The following DOK6 variants were observed in gnomAD, a reference collection of about 807,000 sequenced individuals.
DOK6 encodes the protein downstream of tyrosine kinase 6.
DOK6 carries 22 observed loss-of-function variants against 44.0 expected under a neutral mutation model. That is an observed-to-expected ratio of 0.50 (90% CI 0.36 to 0.71). DOK6 has a LOEUF of 0.71. Among genes scored for constraint, DOK6 ranks in the 30% least tolerant of loss-of-function variants. The pLI, the probability that DOK6 is intolerant of heterozygous loss-of-function variation, is 0.00. For missense variants in DOK6, 340 were observed against 416.4 expected (o/e 0.82, Z 1.60); for synonymous variants, 166 against 145.5 (o/e 1.14, Z -1.01).
At chr18:69,744,448 G>GA (rs1978911900) in intron 6 of DOK6, among the ~76,000 whole-genome samples, 1 of 99,156 alleles carries the variant, frequency 1.0e-5, no homozygotes, top group Non-Finnish European at 2.7e-5. Flanking sequence ...GCATATTTGT[G>GA]ATTTTTTTTC....
intron 1 of DOK6, among the ~76,000 whole-genome samples, chr18:69,403,077 C>T (rs1226639543): frequency 6.6e-6 from 1 of 152,116 alleles, no homozygotes; most frequent in Non-Finnish European, 1.5e-5. Context: ...GGCCTTTGAT[C>T]TTCTTGAAAT....
intron 7 of DOK6, among the ~76,000 whole-genome samples, chr18:69,837,648 T>C (rs1982092142): frequency 2.6e-5 from 4 of 152,016 alleles, no homozygotes; most frequent in South Asian, 4.2e-4. Flanking sequence ...CTATCTGTCA[T>C]ACTAGGTGTC....
intron 7 of DOK6, among the ~76,000 whole-genome samples, chr18:69,814,672 C>A (rs1156964098): frequency 6.6e-6 from 1 of 152,118 alleles, no homozygotes; most frequent in Admixed American, 6.6e-5. Context: ...GAGGAGGAAG[C>A]AAGGCATGTC....
At chr18:69,504,909 G>T (rs1981140977) in intron 1 of DOK6, among the ~76,000 whole-genome samples, 1 of 152,100 alleles carries the variant, frequency 6.6e-6, no homozygotes, top group South Asian at 2.1e-4. Flanking sequence ...GATTGTCTGT[G>T]TCTTTTTCTC....
At chr18:69,554,144 A>T (rs576805223) in intron 1 of DOK6, among the ~76,000 whole-genome samples, 8 of 152,334 alleles carry the variant, frequency 5.3e-5, no homozygotes, top group Non-Finnish European at 2.9e-5. Context: ...CCGTAGAGAA[A>T]ATGACACAAC....
At chr18:69,560,787 C>T (rs994222541) in intron 1 of DOK6, among the ~76,000 whole-genome samples, 14 of 152,126 alleles carry the variant, frequency 9.2e-5, no homozygotes, top group East Asian at 1.9e-4. Flanking sequence ...CTTAATTGTC[C>T]GTAGCTAATT....
chr18:69,514,358 G>T (rs1448114919), intron 1 of DOK6, among the ~76,000 whole-genome samples: 1 of 152,042 alleles, frequency 6.6e-6, no homozygotes, highest in African/African-American at 2.4e-5. Context: ...AACAAGACTT[G>T]CCTGACGTAC....
rs996711332 is a variant in DOK6, at chr18:69,511,949, A to G, written c.67-52538A>G. On this transcript the variant is annotated intron_variant, in intron 1 of 7. Transcript: ENST00000382713. ...CTGGGTTGGTAAGTATGAATGTGCA[A>G]TGTAAAGGAGATTGGACTGATAATA... Among the ~76,000 whole-genome samples, 4 of 152,134 alleles carry G rather than the reference A, an allele frequency of 2.6e-5. No homozygotes were observed. In the South Asian group the frequency reaches 6.2e-4, roughly 24 times the overall value.
intron 1 of DOK6, among the ~76,000 whole-genome samples, chr18:69,519,360 T>C (rs1236755522): frequency 1.3e-5 from 2 of 151,944 alleles, no homozygotes; most frequent in Non-Finnish European, 2.9e-5. Context: ...CTAGTCAGAC[T>C]AACATAATCA....
intron 6 of DOK6, among the ~76,000 whole-genome samples, chr18:69,756,498 C>T (rs895436035): frequency 3.3e-5 from 5 of 152,134 alleles, no homozygotes; most frequent in African/African-American, 7.2e-5. Context: ...TGTGACAAGA[C>T]GTAGCAGCTC....
chr18:69,463,157 G>A (rs1024948389), intron 1 of DOK6, among the ~76,000 whole-genome samples: 2 of 152,128 alleles, frequency 1.3e-5, no homozygotes, highest in Non-Finnish European at 2.9e-5. Context: ...TGGCACCTTA[G>A]CTGTGTCCTC....
rs931427330 is a variant in DOK6 at position 69,430,545 on chromosome 18, T to G, written c.66+29235T>G. Among the ~76,000 whole-genome samples the G allele has an allele frequency of 3.3e-4, 50 of 152,342 alleles. 2 individuals carry two copies. The highest frequency in any genetic ancestry group is 1.2e-3 in the African/African-American group (50 of 41,580). On this transcript the variant is annotated intron_variant, in intron 1 of 7. Coordinates refer to ENST00000382713, the MANE Select transcript of DOK6 (RefSeq NM_152721.6). The stretch of plus-strand genomic sequence containing the variant: ...CGCTTCCTCATTAGGATTAGTATCA[T>G]TATTCATTCTTTGAATGAATCTACC...
chr18:69,614,204 A>G (rs997991590), intron 3 of DOK6, among the ~76,000 whole-genome samples: 1 of 152,088 alleles, frequency 6.6e-6, no homozygotes, highest in Non-Finnish European at 1.5e-5. Flanking sequence ...AATTTTTCTA[A>G]GAATTTTTTT....
At chr18:69,442,138 T>A (rs1393171783) in intron 1 of DOK6, among the ~76,000 whole-genome samples, 1 of 147,996 alleles carries the variant, frequency 6.8e-6, no homozygotes, top group Non-Finnish European at 1.5e-5. Flanking sequence ...ATGTTGTTTT[T>A]TACTTGCTTA....
At position 69,653,098 on chromosome 18, in the gene DOK6, C is replaced by G. The variant is rs118166796; in HGVS notation, c.290-24636C>G. 3.4e-3 allele frequency among the ~76,000 whole-genome samples: 511 copies of G among 152,116 alleles called. 1 individual carries two copies. Among genetic ancestry groups the G allele is most frequent in the Non-Finnish European group, 5.4e-3 (369 of 67,980 alleles). ...TTCAAAATCATCTATTTGAAAGTAT[C>G]TAAGAAACATCAAAGCAACTGGATT... On this transcript the variant is annotated intron_variant, in intron 3 of 7. Coordinates refer to ENST00000382713, the MANE Select transcript of DOK6 (RefSeq NM_152721.6).
chr18:69,490,282 G>A (rs896594128), intron 1 of DOK6, among the ~76,000 whole-genome samples: 2 of 152,066 alleles, frequency 1.3e-5, no homozygotes, highest in African/African-American at 4.8e-5. Context: ...ACCATCAGGA[G>A]GAACTCTAGT....
intron 1 of DOK6, among the ~76,000 whole-genome samples, chr18:69,432,279 C>G (rs1010954902): frequency 1.3e-5 from 2 of 152,012 alleles, no homozygotes; most frequent in Non-Finnish European, 2.9e-5. Context: ...CCTGTCTCTA[C>G]AAAAAATTAA....
chr18:69,538,696 C>T (rs1028186846), intron 1 of DOK6, among the ~76,000 whole-genome samples: 5 of 151,888 alleles, frequency 3.3e-5, no homozygotes, highest in Non-Finnish European at 5.9e-5. Flanking sequence ...TTTACTACAC[C>T]AACCTTTCTA....
chr18:69,775,561 G>A (rs1008435577), intron 7 of DOK6, among the ~76,000 whole-genome samples: 2 of 151,370 alleles, frequency 1.3e-5, no homozygotes, highest in Non-Finnish European at 3.0e-5. Flanking sequence ...ATCTAAACAA[G>A]TAAATAGGAG....
Sources: allele counts gnomAD v4.1 joint callset (sites outside exome capture counted in the v4.1 genomes callset), GRCh38; gene constraint gnomAD v4.1.1; transcripts MANE v1.5; gene names NCBI Gene and HGNC (gene_info 2026-07-23, HGNC 2026-07-21).